Variants in ATP2B2 observed in about 807,000 individuals in gnomAD.
The protein encoded by ATP2B2 is plasma membrane calcium-transporting ATPase 2.
In ATP2B2, 15 loss-of-function variants were observed where a neutral mutation model predicts 120.0. The ratio of observed to expected loss-of-function variants is 0.12; its 90% CI spans 0.08 to 0.19. The LOEUF is 0.19. Ranked by LOEUF, ATP2B2 falls within the 10% of genes least tolerant of loss-of-function variation. The probability of loss-of-function intolerance (pLI) is 1.00; values close to 1 mark genes in which losing one functional copy is unlikely to be tolerated. For synonymous variants in ATP2B2, 694 were observed against 700.3 expected (o/e 0.99, Z 0.14); for missense variants, 1,045 against 1,719.8 (o/e 0.61, Z 6.94).
intron 14 of ATP2B2, among the ~76,000 whole-genome samples, chr3:10,354,020 C>A (rs1181048534): frequency 6.6e-6 from 1 of 152,224 alleles, no homozygotes; most frequent in Non-Finnish European, 1.5e-5. Context: ...GAGGCCCCAG[C>A]CACTCTGCAT....
chr3:10,573,672 G>A (rs2068178730), intron 2 of ATP2B2, among the ~76,000 whole-genome samples: 1 of 152,188 alleles, frequency 6.6e-6, no homozygotes, highest in African/African-American at 2.4e-5. Flanking sequence ...GGCTGGGGTA[G>A]AAATAGCCTA....
At chr3:10,612,730 C>G (rs1306129718) in intron 2 of ATP2B2, among the ~76,000 whole-genome samples, 1 of 152,220 alleles carries the variant, frequency 6.6e-6, no homozygotes, top group Admixed American at 6.5e-5. Flanking sequence ...CACATCCACA[C>G]CATTACCCTC....
chr3:10,455,599 A>G (rs1281514418), intron 1 of ATP2B2, among the ~76,000 whole-genome samples: 25 of 152,162 alleles, frequency 1.6e-4, no homozygotes, highest in Admixed American at 1.6e-3. Context: ...TTATTAGCAA[A>G]TGTTCCTCCC....
chr3:10,381,358 CA>C (rs1418990434), intron 8 of ATP2B2, among the ~76,000 whole-genome samples: 2 of 152,196 alleles, frequency 1.3e-5, no homozygotes, highest in African/African-American at 4.8e-5. Context: ...TGACTGGGCT[CA>C]GGGGCACCAG....
intron 1 of ATP2B2, among the ~76,000 whole-genome samples, chr3:10,629,044 C>T (rs2069788418): frequency 6.6e-6 from 1 of 152,202 alleles, no homozygotes; most frequent in Non-Finnish European, 1.5e-5. Flanking sequence ...GCCTAACACA[C>T]GGTTTTCTCC....
At chr3:10,584,867 C>T (rs2068470842) in intron 2 of ATP2B2, among the ~76,000 whole-genome samples, 1 of 152,170 alleles carries the variant, frequency 6.6e-6, no homozygotes, top group African/African-American at 2.4e-5. Flanking sequence ...CTCTGGGTTT[C>T]CCACTTTAGC....
chr3:10,631,237 A>G lies in ATP2B2; in HGVS notation c.-459-11276T>C, dbSNP rs76293953. 1.6e-3 allele frequency among the ~76,000 whole-genome samples: 248 copies of G among 152,392 alleles called. 5 individuals are homozygous for G. Among genetic ancestry groups the G allele is most frequent in the Admixed American group, 0.014 (217 of 15,314 alleles). ...TTAGTAAAATGCTACTTAAATACCT[A>G]GGCATAAATCAGAAGAAAAAACATT... On this transcript the variant is annotated intron_variant, in intron 1 of 21. Coordinates refer to the ATP2B2 transcript ENST00000646379.
intron 1 of ATP2B2, among the ~76,000 whole-genome samples, chr3:10,481,487 T>A (rs1294719947): frequency 6.6e-6 from 1 of 152,060 alleles, no homozygotes; most frequent in Non-Finnish European, 1.5e-5. Flanking sequence ...GAACACCCCA[T>A]CAAAAATAAG....
At position 10,357,980 on chromosome 3, in the gene ATP2B2, G is replaced by A. The variant is rs566987621; in HGVS notation, c.2136+711C>T. On this transcript the variant is annotated intron_variant, in intron 14 of 22. Transcript: ENST00000360273. ...CCCTTCAGGTGCAGATTCAGCTAAA[G>A]GAGAATGAAGACCTACTGTGTGCTG... 2.0e-5 allele frequency among the ~76,000 whole-genome samples: 3 copies of A among 152,342 alleles called. No individual in the cohort carries two copies. The East Asian group carries it at 5.8e-4, about 29-fold the overall frequency.
chr3:10,437,682 C>CA (rs1173535316), intron 2 of ATP2B2, among the ~76,000 whole-genome samples: 2 of 152,204 alleles, frequency 1.3e-5, no homozygotes, highest in African/African-American at 4.8e-5. Flanking sequence ...TTTCCCATGT[C>CA]AGAGTGTTCT....
chr3:10,389,739 T>C (rs2061789667), intron 5 of ATP2B2, among the ~76,000 whole-genome samples: 1 of 152,150 alleles, frequency 6.6e-6, no homozygotes, highest in Non-Finnish European at 1.5e-5. Context: ...CACTTACAAG[T>C]GGTTAAAATG....
At position 10,326,107 on chromosome 3, in the gene ATP2B2, C is replaced by T. The variant is rs1319625295; in HGVS notation, c.*2707G>A. On this transcript the variant is annotated 3_prime_UTR_variant, in exon 23 of 23. Transcript: ENST00000360273. ...GTGAGTTCTTTATTTACATTATTGT[C>T]TAGATAAAAAAATTCATAAAAACAG... 1.3e-5 allele frequency: 2 copies of T among 151,776 alleles called. No homozygotes were observed. The highest frequency in any genetic ancestry group is 2.9e-5 in the Non-Finnish European group (2 of 67,958). 9.4% of individuals were successfully genotyped at this position (151,776 alleles called of 1,614,324 possible).
chr3:10,694,722 T>C (rs1382189299), intron 1 of ATP2B2, among the ~76,000 whole-genome samples: 1 of 152,186 alleles, frequency 6.6e-6, no homozygotes, highest in African/African-American at 2.4e-5. Context: ...TGATCACTCA[T>C]TGTTTGGGGA....
At chr3:10,550,994 C>T (rs772064268) in intron 2 of ATP2B2, among the ~76,000 whole-genome samples, 1 of 152,122 alleles carries the variant, frequency 6.6e-6, no homozygotes, top group Admixed American at 6.6e-5. Flanking sequence ...TTGGATCAGG[C>T]AAGTTTGAGG....
intron 1 of ATP2B2, among the ~76,000 whole-genome samples, chr3:10,486,243 C>T (rs1276040869): frequency 1.3e-5 from 2 of 152,154 alleles, no homozygotes; most frequent in Non-Finnish European, 2.9e-5. Context: ...GGGGATTTCA[C>T]CATCAAGTGC....
intron 1 of ATP2B2, among the ~76,000 whole-genome samples, chr3:10,485,052 T>A (rs1283025745): frequency 6.6e-6 from 1 of 152,054 alleles, no homozygotes; most frequent in Non-Finnish European, 1.5e-5. Context: ...GAGGGCTCAG[T>A]CTGGGTCTTG....
Position 10,449,449 on chromosome 3 carries a change from C to A in ATP2B2, c.95G>T (p.Arg32Leu), listed in dbSNP as rs1012015300. 4 of 1,614,236 alleles carry A rather than the reference C, an allele frequency of 2.5e-6. No homozygotes were observed. The highest frequency in any genetic ancestry group is 2.5e-6 in the Non-Finnish European group (3 of 1,180,038). ...AGTGCCCCGCAGCTCCATGAGGGAG[C>A]GGAGCTCCTCCATTGTGCACCCGAA... is the stretch of plus-strand genomic sequence containing the variant. The part of the protein sequence containing the change: ...GEFGCTMEEL[R>L]SLMELRGTEA... The change falls in exon 2 of 23, where the codon CGC becomes CTC. Residue 32 changes from arginine to leucine, a missense_variant. By Grantham distance (102) the Arg-to-Leu change is moderately radical. Coordinates refer to ENST00000360273, the MANE Select transcript of ATP2B2 (RefSeq NM_001001331.4).
At chr3:10,688,674 C>T (rs140096399) in intron 1 of ATP2B2, among the ~76,000 whole-genome samples, 41 of 152,312 alleles carry the variant, frequency 2.7e-4, no homozygotes, top group African/African-American at 7.2e-4. Context: ...ATGTCTCCTG[C>T]GCCAGGCCTC....
chr3:10,691,150 C>T (rs1020981036), intron 1 of ATP2B2, among the ~76,000 whole-genome samples: 2 of 152,158 alleles, frequency 1.3e-5, no homozygotes. Context: ...CTGACCTGGC[C>T]CCTTGCAGGC....
Sources: gnomAD v4.1 joint callset for allele counts (sites outside exome capture counted in the v4.1 genomes callset) on GRCh38, gnomAD v4.1.1 for gene constraint, MANE v1.5 for transcripts, NCBI Gene and HGNC (gene_info 2026-07-23, HGNC 2026-07-21) for gene names.